Variants in CLCA4 observed in about 807,000 individuals in gnomAD.
CLCA4 encodes calcium-activated chloride channel regulator 4.
Under a neutral mutation model 78.9 loss-of-function variants are expected in CLCA4, and 69 were observed. The ratio of observed to expected loss-of-function variants is 0.87; its 90% CI spans 0.72 to 1.07. CLCA4 has a LOEUF of 1.07. Among genes scored for constraint, CLCA4 ranks in the 50% least tolerant of loss-of-function variants. The pLI is 0.00. For missense variants in CLCA4, 1,133 were observed against 1,095.8 expected, an observed-to-expected ratio of 1.03 and a Z score of -0.48; for synonymous variants, 362 against 375.8, an observed-to-expected ratio of 0.96 and a Z score of 0.42.
intron 1 of CLCA4, among the ~76,000 whole-genome samples, chr1:86,551,660 T>G (rs1649667123): frequency 6.6e-6 from 1 of 152,194 alleles, no homozygotes; most frequent in Admixed American, 6.5e-5. Context: ...CAATGCTATT[T>G]CCTCAGCCAG....
rs757075782 is a variant in CLCA4, at chr1:86,563,695, G to A, written c.483G>A (p.Arg161=). The A allele has an allele frequency of 5.6e-6, 9 of 1,604,438 alleles. No individual in the cohort carries two copies. Among genetic ancestry groups the A allele is most frequent in the Admixed American group, 1.7e-5 (1 of 58,740 alleles). The change falls in exon 4 of 14, where the codon CGG becomes CGA. Residue 161 remains arginine (R), a synonymous_variant. Coordinates refer to ENST00000370563, the MANE Select transcript of CLCA4 (RefSeq NM_012128.4). ...KLFVHEWAHL[R]WGVFDEYNED... Reference sequence around the variant, plus strand: ...TTGTCCATGAGTGGGCTCACCTCCGGTGGGGAGTGTTTGATGAGTACAATG... The same window carrying A: ...TTGTCCATGAGTGGGCTCACCTCCGATGGGGAGTGTTTGATGAGTACAATG...
At chr1:86,552,965 G>T (rs1376084555) in intron 1 of CLCA4, 18 of 632,764 alleles carry the variant, frequency 2.8e-5, no homozygotes, top group Admixed American at 7.9e-5. Flanking sequence ...ACTGGGCAAA[G>T]GTTAGAAACT....
chr1:86,558,013 C>T (rs1649902424), intron 1 of CLCA4, among the ~76,000 whole-genome samples: 1 of 151,768 alleles, frequency 6.6e-6, no homozygotes, highest in Non-Finnish European at 1.5e-5. Flanking sequence ...ATTACAACCC[C>T]TGCTTTTTTC....
intron 12 of CLCA4, 93 bp downstream of exon 12, chr1:86,578,165 A>C: frequency 6.7e-5 from 74 of 1,110,628 alleles, no homozygotes; most frequent in Non-Finnish European, 8.7e-5. Flanking sequence ...ATTAAAACTC[A>C]AAATATAGCT....
In CLCA4 at chr1:86,580,332, G is replaced by T; in HGVS notation, c.2747G>T (p.Ser916Ile). 4 of 1,587,386 alleles carry T rather than the reference G, an allele frequency of 2.5e-6. No homozygotes were observed. Among genetic ancestry groups the T allele is most frequent in the Non-Finnish European group, 3.4e-6 (4 of 1,170,138 alleles). Reference protein sequence around the residue: ...GSVVIVNFILSTTI With the variant: ...GSVVIVNFILITTI ...GTTGTAATTGTTAACTTTATTTTAA[G>T]TACCACCATTTGAACCTTAACGAAG... The change falls in exon 14 of 14, where the codon AGT becomes ATT. Residue 916 changes from serine to isoleucine, a missense_variant. Ser to Ile is a moderately radical substitution (Grantham distance 142). Coordinates refer to ENST00000370563, the MANE Select transcript of CLCA4 (RefSeq NM_012128.4).
intron 3 of CLCA4, among the ~76,000 whole-genome samples, chr1:86,562,869 AAAG>A (rs200050743): frequency 2.2e-4 from 33 of 148,398 alleles, no homozygotes; most frequent in East Asian, 1.0e-3. Context: ...AAAAAAAAAA[AAAG>A]AAGAAGAAAG....
chr1:86,554,066 T>C (rs1426489566), intron 1 of CLCA4, among the ~76,000 whole-genome samples: 3 of 152,172 alleles, frequency 2.0e-5, no homozygotes, highest in African/African-American at 7.2e-5. Context: ...TGGGGGTTTG[T>C]TGTACAGATT....
chr1:86,571,260 A>T lies in CLCA4; in HGVS notation c.1360+6A>T. On this transcript the variant is annotated splice_donor_region_variant and intron_variant, in intron 8 of 13. Transcript: ENST00000370563. ...AGAGATGAGCAAGATAACAGGTAAA[A>T]CACGATCCATTTATTCCAGGCCTTC... 1.2e-6 allele frequency: 2 copies of T among 1,607,916 alleles called. No individual in the cohort carries two copies. Among genetic ancestry groups the T allele is most frequent in the Middle Eastern group, 1.7e-4 (1 of 6,016 alleles).
In CLCA4 at chr1:86,580,341, T is replaced by A. The variant is rs1178086894; in HGVS notation, c.2756T>A (p.Ile919Asn). The change falls in exon 14 of 14, where the codon ATT becomes AAT. Residue 919 changes from isoleucine (I) to asparagine (N), a missense_variant. Ile to Asn is a moderately radical substitution (Grantham distance 149). Transcript: ENST00000370563. ...VIVNFILSTT[I>N] The stretch of plus-strand genomic sequence containing the variant: ...GTTAACTTTATTTTAAGTACCACCA[T>A]TTGAACCTTAACGAAGAAAAAAATC... 3 of 1,571,682 alleles carry A rather than the reference T, an allele frequency of 1.9e-6. No individual in the cohort carries two copies. In the South Asian group the frequency reaches 3.7e-5, roughly 19 times the overall value.
At chr1:86,557,681 T>C (rs1649890441) in intron 1 of CLCA4, among the ~76,000 whole-genome samples, 1 of 152,198 alleles carries the variant, frequency 6.6e-6, no homozygotes, top group Admixed American at 6.5e-5. Context: ...GAGAAGAATG[T>C]ATATTCTGTT....
intron 6 of CLCA4, among the ~76,000 whole-genome samples, chr1:86,566,749 C>A (rs1308403950): frequency 6.6e-6 from 1 of 151,860 alleles, no homozygotes; most frequent in Non-Finnish European, 1.5e-5. Context: ...TAACACAGAT[C>A]AGTAGGGTGA....
At chr1:86,575,272 T>C (rs368552652) in intron 10 of CLCA4, 60 bp from the exon 11 acceptor site, 3 of 1,339,666 alleles carry the variant, frequency 2.2e-6, no homozygotes, top group African/African-American at 1.5e-5. Context: ...AATTACATAA[T>C]GGAAATATAG....
At chr1:86,562,349 C>A (rs1225649821) in intron 3 of CLCA4, among the ~76,000 whole-genome samples, 4 of 152,170 alleles carry the variant, frequency 2.6e-5, no homozygotes, top group Non-Finnish European at 4.4e-5. Flanking sequence ...TCTAATTCTG[C>A]TCCCACAAAC....
intron 6 of CLCA4, 98 bp from the exon 7 acceptor site, chr1:86,567,325 GA>G: frequency 2.0e-6 from 2 of 1,007,468 alleles, no homozygotes; most frequent in Non-Finnish European, 2.9e-6. Context: ...ACCATTCATA[GA>G]AAATGTTACC....
intron 1 of CLCA4, among the ~76,000 whole-genome samples, chr1:86,556,865 G>A (rs544697603): frequency 6.6e-6 from 1 of 151,986 alleles, no homozygotes; most frequent in East Asian, 1.9e-4. Context: ...TACTAATTCA[G>A]TTTAGGAACT....
At chr1:86,566,975 G>A (rs1650210429) in intron 6 of CLCA4, among the ~76,000 whole-genome samples, 1 of 151,942 alleles carries the variant, frequency 6.6e-6, no homozygotes, top group African/African-American at 2.4e-5. Flanking sequence ...TTACCTTTTG[G>A]GCAGTCTAGT....
At chr1:86,554,821 A>G (rs144341903) in intron 1 of CLCA4, among the ~76,000 whole-genome samples, 29 of 151,428 alleles carry the variant, frequency 1.9e-4, no homozygotes, top group African/African-American at 5.3e-4. Flanking sequence ...TCAACAATGT[A>G]TAAGTGTTCC....
chr1:86,575,232 A>G, intron 10 of CLCA4, 100 bp from the exon 11 acceptor site: 1 of 1,055,164 alleles, frequency 9.5e-7, no homozygotes, highest in South Asian at 1.6e-5. Flanking sequence ...AAACCTCTTT[A>G]TTCTCTCCCC....
intron 11 of CLCA4, among the ~76,000 whole-genome samples, chr1:86,576,196 G>C (rs552707594): frequency 1.3e-5 from 2 of 151,924 alleles, no homozygotes; most frequent in African/African-American, 2.4e-5. Context: ...GTCTCACTCT[G>C]TCGCACAGGC....
Sources: gnomAD v4.1 joint callset for allele counts (sites outside exome capture counted in the v4.1 genomes callset) on GRCh38, gnomAD v4.1.1 for gene constraint, MANE v1.5 for transcripts, NCBI Gene and HGNC (gene_info 2026-07-23, HGNC 2026-07-21) for gene names.